Variants in DDAH1 observed in about 807,000 individuals in gnomAD.
DDAH1 encodes the protein N(G),N(G)-dimethylarginine dimethylaminohydrolase 1.
DDAH1 carries 19 observed loss-of-function variants against 28.8 expected under a neutral mutation model. The ratio of observed to expected loss-of-function variants is 0.66; its 90% CI spans 0.46 to 0.97. The LOEUF is 0.97. Ranked by LOEUF, DDAH1 falls within the 50% of genes least tolerant of loss-of-function variation. The pLI is 0.00. For missense variants in DDAH1, 326 were observed against 375.9 expected, an observed-to-expected ratio of 0.87 and a Z score of 1.10; for synonymous variants, 153 against 154.4, an observed-to-expected ratio of 0.99 and a Z score of 0.07.
chr1:85,526,695 C>T (rs1457735942), intron 1 of DDAH1, among the ~76,000 whole-genome samples: 2 of 147,238 alleles, frequency 1.4e-5, no homozygotes, highest in South Asian at 2.3e-4. Context: ...CTCTCAGCAA[C>T]GAGTATCCCA....
At chr1:85,481,098 G>GTTTTTTTTTTTT (rs71075839) in intron 2 of DDAH1, among the ~76,000 whole-genome samples, 10 of 113,470 alleles carry the variant, frequency 8.8e-5, no homozygotes, top group East Asian at 2.4e-4. Flanking sequence ...TGGGTTTTTT[G>GTTTTTTTTTTTT]TTTTTTTTTT....
At chr1:85,365,612 G>A (rs1052276068) in intron 1 of DDAH1, among the ~76,000 whole-genome samples, 1 of 152,166 alleles carries the variant, frequency 6.6e-6, no homozygotes, top group African/African-American at 2.4e-5. Flanking sequence ...TGGATATGCA[G>A]ACACACTCCA....
intron 1 of DDAH1, among the ~76,000 whole-genome samples, chr1:85,505,538 G>C (rs148847140): frequency 6.6e-6 from 1 of 152,264 alleles, no homozygotes; most frequent in East Asian, 1.9e-4. Flanking sequence ...TTGATGTCCC[G>C]AGGAGAGAAG....
At chr1:85,465,354 G>C (rs949759970), upstream of DDAH1, 32 of 390,994 alleles carry the variant, frequency 8.2e-5, no homozygotes, top group Admixed American at 2.6e-4. Flanking sequence ...GGGAAGCAGC[G>C]AGGGCAAGAA....
chr1:85,549,897 A>T (rs1406958727), intron 1 of DDAH1, among the ~76,000 whole-genome samples: 2 of 152,188 alleles, frequency 1.3e-5, no homozygotes, highest in Admixed American at 1.3e-4. Context: ...TATCATTAAC[A>T]CTTCGACTGG....
chr1:85,480,748 A>G (rs1445072800), intron 2 of DDAH1, among the ~76,000 whole-genome samples: 2 of 152,024 alleles, frequency 1.3e-5, no homozygotes, highest in African/African-American at 4.8e-5. Flanking sequence ...TGTCTCAAAA[A>G]TAAATAAATA....
intron 1 of DDAH1, among the ~76,000 whole-genome samples, chr1:85,403,873 G>A (rs1050340276): frequency 3.9e-5 from 6 of 152,120 alleles, no homozygotes; most frequent in African/African-American, 9.7e-5. Context: ...ATAATTCAAT[G>A]GGTAGAACAT....
chr1:85,563,253 C>T (rs1014609502), intron 1 of DDAH1, among the ~76,000 whole-genome samples: 5 of 152,160 alleles, frequency 3.3e-5, no homozygotes, highest in African/African-American at 1.2e-4. Context: ...AAGGGCACCC[C>T]TTATGTCTTC....
At chr1:85,396,566 A>G (rs1048131682) in intron 1 of DDAH1, among the ~76,000 whole-genome samples, 1 of 152,188 alleles carries the variant, frequency 6.6e-6, no homozygotes, top group African/African-American at 2.4e-5. Context: ...TTGGGGATCA[A>G]ATTTCAACAT....
At chr1:85,557,989 G>A (rs1659029735) in intron 1 of DDAH1, among the ~76,000 whole-genome samples, 1 of 152,130 alleles carries the variant, frequency 6.6e-6, no homozygotes, top group Non-Finnish European at 1.5e-5. Context: ...TGTTATGGCG[G>A]CCCTAGCAAA....
At chr1:85,352,695 A>C (rs796822126) in intron 2 of DDAH1, among the ~76,000 whole-genome samples, 15 of 152,360 alleles carry the variant, frequency 9.8e-5, no homozygotes, top group African/African-American at 3.6e-4. Flanking sequence ...GCTTAATATT[A>C]TAAGTGTTTT....
intron 1 of DDAH1, among the ~76,000 whole-genome samples, chr1:85,565,227 A>C (rs1404038917): frequency 6.6e-6 from 1 of 152,094 alleles, no homozygotes; most frequent in African/African-American, 2.4e-5. Context: ...AGAAGAACAA[A>C]TTTTTGAATG....
intron 1 of DDAH1, among the ~76,000 whole-genome samples, chr1:85,452,492 T>C (rs1654707294): frequency 6.6e-6 from 1 of 152,176 alleles, no homozygotes; most frequent in African/African-American, 2.4e-5. Context: ...GGGTTGCGAA[T>C]ACACTCTGAT....
intron 1 of DDAH1, among the ~76,000 whole-genome samples, chr1:85,514,982 T>C (rs1570629543): frequency 6.9e-6 from 1 of 144,970 alleles, no homozygotes; most frequent in East Asian, 2.1e-4. Context: ...GGAATATCAT[T>C]GCTTCTATGT....
chr1:85,438,908 C>T (rs1324635710), intron 1 of DDAH1, among the ~76,000 whole-genome samples: 1 of 152,064 alleles, frequency 6.6e-6, no homozygotes, highest in Non-Finnish European at 1.5e-5. Flanking sequence ...AGCTTTATAA[C>T]AGGATGGTAA....
chr1:85,554,262 A>T (rs1557756107), intron 1 of DDAH1, among the ~76,000 whole-genome samples: 1 of 148,922 alleles, frequency 6.7e-6, no homozygotes, highest in Non-Finnish European at 1.5e-5. Context: ...TTTCCTAAAA[A>T]GGAAATTGTA....
At chr1:85,386,347 G>C (rs1651253926) in intron 1 of DDAH1, among the ~76,000 whole-genome samples, 1 of 152,188 alleles carries the variant, frequency 6.6e-6, no homozygotes, top group Non-Finnish European at 1.5e-5. Context: ...TACAGGCACT[G>C]GGTTAACAGT....
intron 1 of DDAH1, among the ~76,000 whole-genome samples, chr1:85,361,230 A>G (rs983772184): frequency 6.6e-6 from 1 of 152,232 alleles, no homozygotes; most frequent in Non-Finnish European, 1.5e-5. Flanking sequence ...ATGGGTCCAT[A>G]GCAAGCCAGC....
chr1:85,568,441 T>C (rs1659365875), intron 1 of DDAH1, among the ~76,000 whole-genome samples: 1 of 152,182 alleles, frequency 6.6e-6, no homozygotes, highest in Non-Finnish European at 1.5e-5. Flanking sequence ...CTGTGCCCAC[T>C]GCCTAGGGAA....
Sources: allele counts gnomAD v4.1 joint callset (sites outside exome capture counted in the v4.1 genomes callset), GRCh38; gene constraint gnomAD v4.1.1; transcripts MANE v1.5; gene names NCBI Gene and HGNC (gene_info 2026-07-23, HGNC 2026-07-21).